Variants in NPAS3 observed in about 807,000 individuals in gnomAD.
NPAS3 encodes the protein neuronal PAS domain protein 3.
NPAS3 carries 14 observed loss-of-function variants against 73.1 expected under a neutral mutation model. The observed-to-expected ratio is 0.19, with a 90% confidence interval of 0.13 to 0.30. The LOEUF (loss-of-function observed/expected upper bound fraction) is 0.30. Among genes scored for constraint, NPAS3 ranks in the 10% least tolerant of loss-of-function variants. The pLI, the probability that NPAS3 is intolerant of heterozygous loss-of-function variation, is 1.00. For synonymous variants in NPAS3, 620 were observed against 541.5 expected (o/e 1.14, Z -2.01); for missense variants, 1,096 against 1,250.0 (o/e 0.88, Z 1.86).
At chr14:33,142,972 ACAGGCACCTGTAATCC>A (rs1220780311) in intron 2 of NPAS3, among the ~76,000 whole-genome samples, 1 of 152,026 alleles carries the variant, frequency 6.6e-6, no homozygotes, top group Non-Finnish European at 1.5e-5. Flanking sequence ...GGGCATGGTG[ACAGGCACCTGTAATCC>A]CAGCTACTCC....
chr14:33,079,866 C>T (rs1005189043), intron 2 of NPAS3, among the ~76,000 whole-genome samples: 3 of 151,738 alleles, frequency 2.0e-5, no homozygotes, highest in African/African-American at 4.8e-5. Context: ...CCCCCCTCAG[C>T]CTCCCCAAGG....
At chr14:33,266,449 C>G (rs2040820297) in intron 3 of NPAS3, among the ~76,000 whole-genome samples, 1 of 152,132 alleles carries the variant, frequency 6.6e-6, no homozygotes, top group African/African-American at 2.4e-5. Context: ...ATCCTTACCT[C>G]TAAGCCAAAG....
intron 3 of NPAS3, among the ~76,000 whole-genome samples, chr14:33,358,226 G>A (rs935962516): frequency 2.0e-5 from 3 of 152,160 alleles, no homozygotes; most frequent in African/African-American, 7.2e-5. Flanking sequence ...TTTCATCTAA[G>A]CAGTGGTGTT....
chr14:33,082,907 A>G (rs974292061), intron 2 of NPAS3, among the ~76,000 whole-genome samples: 4 of 152,166 alleles, frequency 2.6e-5, no homozygotes, highest in Admixed American at 1.3e-4. Context: ...GCCAGGCACA[A>G]TGTCTCACAT....
At chr14:33,438,988 G>C (rs1284820520) in intron 4 of NPAS3, among the ~76,000 whole-genome samples, 1 of 152,020 alleles carries the variant, frequency 6.6e-6, no homozygotes, top group African/African-American at 2.4e-5. Flanking sequence ...GCTAAGGTCG[G>C]ACATGTGAAA....
chr14:33,294,074 G>T (rs910298869), intron 3 of NPAS3, among the ~76,000 whole-genome samples: 1 of 152,190 alleles, frequency 6.6e-6, no homozygotes, highest in Non-Finnish European at 1.5e-5. Flanking sequence ...CACAAATTTT[G>T]TGCAACTGAG....
At chr14:33,261,805 A>G (rs917198113) in intron 3 of NPAS3, among the ~76,000 whole-genome samples, 1 of 152,142 alleles carries the variant, frequency 6.6e-6, no homozygotes, top group African/African-American at 2.4e-5. Context: ...TTCACACATC[A>G]TTTTATCCTA....
intron 2 of NPAS3, among the ~76,000 whole-genome samples, chr14:33,092,705 C>T (rs745596506): frequency 2.6e-5 from 4 of 152,160 alleles, no homozygotes; most frequent in Non-Finnish European, 5.9e-5. Context: ...ATCACACTAC[C>T]TGACTTCAAA....
At chr14:33,345,405 T>C (rs2044680405) in intron 3 of NPAS3, among the ~76,000 whole-genome samples, 1 of 152,226 alleles carries the variant, frequency 6.6e-6, no homozygotes, top group Non-Finnish European at 1.5e-5. Flanking sequence ...ATAGATATTA[T>C]GGAAGCTTTT....
chr14:33,557,771 C>G (rs1020706765), intron 4 of NPAS3, among the ~76,000 whole-genome samples: 4 of 152,214 alleles, frequency 2.6e-5, no homozygotes, highest in Admixed American at 6.5e-5. Flanking sequence ...AGATCAAGGC[C>G]ATCCTGGCTA....
At chr14:33,011,907 A>G (rs1283306936) in intron 1 of NPAS3, among the ~76,000 whole-genome samples, 1 of 152,092 alleles carries the variant, frequency 6.6e-6, no homozygotes, top group Non-Finnish European at 1.5e-5. Flanking sequence ...GCCAGGGTTC[A>G]TGTGCTTTTT....
chr14:33,789,835 C>T (rs1194443442), intron 9 of NPAS3, among the ~76,000 whole-genome samples: 1 of 151,802 alleles, frequency 6.6e-6, no homozygotes, highest in Admixed American at 6.6e-5. Flanking sequence ...GTGATCCGCC[C>T]GCCTCGGCCT....
rs564508214 is a variant in NPAS3 at position 33,150,831 on chromosome 14, GAAGTCATTTT to G, written c.141-64350_141-64341del. ...CAGTCTAAGTGAGAAGTCAGATTAT[GAAGTCATTTT>G]GCCACATCTTCCTGACAGCTGTTTC... is the stretch of plus-strand genomic sequence containing the variant. On this transcript the variant is annotated intron_variant, in intron 2 of 11. Coordinates refer to ENST00000356141, the Ensembl canonical transcript of NPAS3. Among the ~76,000 whole-genome samples the G allele has an allele frequency of 2.8e-3, 426 of 152,286 alleles. 2 individuals are homozygous for G. The highest frequency in any genetic ancestry group is 0.01 in the Middle Eastern group (3 of 294).
intron 4 of NPAS3, among the ~76,000 whole-genome samples, chr14:33,414,192 GC>G (rs948616113): frequency 3.3e-5 from 5 of 152,096 alleles, no homozygotes; most frequent in Admixed American, 2.0e-4. Context: ...AGGCATGAGA[GC>G]AAAAAGTACC....
At chr14:33,245,271 A>G (rs776173364) in intron 3 of NPAS3, among the ~76,000 whole-genome samples, 32 of 152,302 alleles carry the variant, frequency 2.1e-4, no homozygotes, top group Non-Finnish European at 3.7e-4. Flanking sequence ...AATAATAATA[A>G]CTACTACTAC....
chr14:33,200,025 T>G (rs61972682), intron 2 of NPAS3, among the ~76,000 whole-genome samples: 35,445 of 151,964 alleles, frequency 0.23, 5,097 homozygotes, highest in Non-Finnish European at 0.34. Flanking sequence ...GGACTACATT[T>G]GACTCATTGT....
At chr14:33,755,962 C>T (rs1391957201) in intron 7 of NPAS3, among the ~76,000 whole-genome samples, 2 of 152,060 alleles carry the variant, frequency 1.3e-5, no homozygotes, top group Admixed American at 1.3e-4. Flanking sequence ...AGTGAGAACT[C>T]ACTCACCCCT....
chr14:33,350,524 AC>A (rs536987017), intron 3 of NPAS3, among the ~76,000 whole-genome samples: 71 of 152,170 alleles, frequency 4.7e-4, no homozygotes, highest in Non-Finnish European at 8.1e-4. Context: ...AAAAAGTAGG[AC>A]CCCCCTCTGG....
intron 4 of NPAS3, among the ~76,000 whole-genome samples, chr14:33,485,406 AT>A (rs2051535273): frequency 6.6e-6 from 1 of 152,134 alleles, no homozygotes; most frequent in Non-Finnish European, 1.5e-5. Flanking sequence ...CACTTGAGTA[AT>A]CACCAGGAAG....
Sources: allele counts gnomAD v4.1 joint callset (sites outside exome capture counted in the v4.1 genomes callset), GRCh38; gene constraint gnomAD v4.1.1; transcripts MANE v1.5; gene names NCBI Gene and HGNC (gene_info 2026-07-23, HGNC 2026-07-21).